Variants in TUNAR observed in about 807,000 individuals in gnomAD.
TUNAR encodes the protein protein TUNAR.
chr14:95,878,095 T>C (rs1370937428), intron 2 of TUNAR, among the ~76,000 whole-genome samples: 1 of 152,356 alleles, frequency 6.6e-6, no homozygotes, highest in African/African-American at 2.4e-5. Context: ...GAGCGGGGGC[T>C]GATCCCAGAT....
chr14:95,901,029 T>A (rs1389631129), intron 2 of TUNAR, among the ~76,000 whole-genome samples: 1 of 152,236 alleles, frequency 6.6e-6, no homozygotes, highest in Admixed American at 6.5e-5. Flanking sequence ...TTTCCCTGCT[T>A]TTTAGTTTCA....
chr14:95,905,050 G>GGGACTTAGCAAA (rs1196023582), intron 2 of TUNAR, among the ~76,000 whole-genome samples: 1 of 152,194 alleles, frequency 6.6e-6, no homozygotes, highest in Non-Finnish European at 1.5e-5. Flanking sequence ...ATCCTTAAGT[G>GGGACTTAGCAAA]GGACTTAGCA....
At chr14:95,917,012 T>A (rs1437928960) in intron 2 of TUNAR, among the ~76,000 whole-genome samples, 1 of 152,250 alleles carries the variant, frequency 6.6e-6, no homozygotes, top group East Asian at 1.9e-4. Context: ...TCCCAGTTTG[T>A]GGCTTAACTT....
chr14:95,922,788 T>G (rs1321715557), exon 3 of TUNAR: 1 of 398,888 alleles, frequency 2.5e-6, no homozygotes, highest in Non-Finnish European at 4.4e-6. Flanking sequence ...CAGGTTAGCC[T>G]GGCAAGGAAG....
At chr14:95,915,261 C>A (rs1020996522) in intron 2 of TUNAR, among the ~76,000 whole-genome samples, 2 of 152,180 alleles carry the variant, frequency 1.3e-5, no homozygotes, top group Admixed American at 1.3e-4. Context: ...AGCAAAAACA[C>A]TGTTTTTTGC....
At chr14:95,906,745 G>C (rs1327969236) in intron 2 of TUNAR, among the ~76,000 whole-genome samples, 1 of 152,150 alleles carries the variant, frequency 6.6e-6, no homozygotes, top group South Asian at 2.1e-4. Context: ...TCCGGTCTTG[G>C]TAGGTTTGAA....
chr14:95,900,443 C>T (rs1237020531), intron 2 of TUNAR, among the ~76,000 whole-genome samples: 1 of 152,330 alleles, frequency 6.6e-6, no homozygotes, highest in East Asian at 1.9e-4. Flanking sequence ...TAAAGCAAGG[C>T]ATGGCTTGAG....
intron 2 of TUNAR, among the ~76,000 whole-genome samples, chr14:95,919,834 G>T (rs1727699706): frequency 6.6e-6 from 1 of 152,184 alleles, no homozygotes; most frequent in South Asian, 2.1e-4. Flanking sequence ...TGTTAGTAAT[G>T]GATTTGAGAT....
chr14:95,889,374 C>A (rs1457710266), intron 2 of TUNAR, among the ~76,000 whole-genome samples: 1 of 152,174 alleles, frequency 6.6e-6, no homozygotes, highest in Non-Finnish European at 1.5e-5. Context: ...TAAATTGGAA[C>A]ATTTCTGTGG....
At chr14:95,899,245 T>G (rs972938705) in intron 2 of TUNAR, among the ~76,000 whole-genome samples, 1 of 152,162 alleles carries the variant, frequency 6.6e-6, no homozygotes, top group Non-Finnish European at 1.5e-5. Flanking sequence ...CAGCCACATC[T>G]GGGATGGTTG....
chr14:95,891,671 CTG>C, intron 2 of TUNAR, among the ~76,000 whole-genome samples: 1 of 152,356 alleles, frequency 6.6e-6, no homozygotes, highest in East Asian at 1.9e-4. Context: ...GATCTTGGCT[CTG>C]TTGTCTGTTA....
Position 95,901,366 on chromosome 14 carries a change from T to G in TUNAR, c.13-21415T>G, listed in dbSNP as rs80091927. 1.5e-4 allele frequency among the ~76,000 whole-genome samples: 23 copies of G among 152,268 alleles called. No individual in the cohort carries two copies. The East Asian group carries it at 3.7e-3, about 24-fold the overall frequency. On this transcript the variant is annotated intron_variant, in intron 2 of 2. Transcript: ENST00000678517. ...GAACATTCTCTTCCTCCCCAGAGAG[T>G]TGGGGGCCAGGGATTCTGTTCATGT...
At chr14:95,924,023 C>T (rs936477445) in exon 3 of TUNAR, 2 of 152,178 alleles carry the variant, frequency 1.3e-5, no homozygotes, top group African/African-American at 4.8e-5. Context: ...TTCTTACCGG[C>T]AGCGTTATTG....
At chr14:95,907,637 G>A (rs563977081) in intron 2 of TUNAR, among the ~76,000 whole-genome samples, 3 of 152,310 alleles carry the variant, frequency 2.0e-5, no homozygotes, top group African/African-American at 7.2e-5. Context: ...CAACAGCTCA[G>A]AGGAGATCTG....
chr14:95,909,282 CTT>C (rs3044246), intron 2 of TUNAR, among the ~76,000 whole-genome samples: 17 of 125,898 alleles, frequency 1.4e-4, no homozygotes, highest in Non-Finnish European at 8.1e-5. Context: ...GCTGCCATCT[CTT>C]TTTTTTTTTT....
At chr14:95,881,256 C>T (rs755959408) in intron 2 of TUNAR, among the ~76,000 whole-genome samples, 3 of 152,202 alleles carry the variant, frequency 2.0e-5, no homozygotes, top group Non-Finnish European at 4.4e-5. Context: ...TCAAACATGT[C>T]GATTTCCAAA....
intron 2 of TUNAR, among the ~76,000 whole-genome samples, chr14:95,892,494 A>G (rs1056933324): frequency 6.6e-6 from 1 of 152,222 alleles, no homozygotes; most frequent in Non-Finnish European, 1.5e-5. Context: ...CACCTGGTGC[A>G]TTACTGGGTC....
chr14:95,887,894 G>T (rs1340764398), intron 2 of TUNAR, among the ~76,000 whole-genome samples: 2 of 152,208 alleles, frequency 1.3e-5, no homozygotes, highest in African/African-American at 4.8e-5. Context: ...AGTTCCTTTT[G>T]TTTTCCTGGG....
intron 2 of TUNAR, among the ~76,000 whole-genome samples, chr14:95,914,538 T>C (rs1235509669): frequency 6.6e-6 from 1 of 152,122 alleles, no homozygotes; most frequent in African/African-American, 2.4e-5. Flanking sequence ...ATGCTGTGAT[T>C]TTAGGGTGGG....
Sources: gnomAD v4.1 joint callset for allele counts (sites outside exome capture counted in the v4.1 genomes callset) on GRCh38, gnomAD v4.1.1 for gene constraint, MANE v1.5 for transcripts, NCBI Gene and HGNC (gene_info 2026-07-23, HGNC 2026-07-21) for gene names.